Variants in HPSE2 observed in about 807,000 individuals in gnomAD.
HPSE2 encodes heparanase 2 (inactive), also known as inactive heparanase-2.
Under a neutral mutation model 60.5 loss-of-function variants are expected in HPSE2, and 38 were observed. That is an observed-to-expected ratio of 0.63 (90% CI 0.48 to 0.82). HPSE2 has a LOEUF of 0.82. HPSE2 is among the 40% of genes least tolerant of loss of function. HPSE2 has a pLI of 0.00. For missense variants in HPSE2, 713 were observed against 740.4 expected (o/e 0.96, Z 0.43); for synonymous variants, 295 against 293.2 (o/e 1.01, Z -0.06).
intron 2 of HPSE2, among the ~76,000 whole-genome samples, chr10:99,148,978 T>C (rs571274751): frequency 6.6e-5 from 10 of 151,986 alleles, no homozygotes; most frequent in African/African-American, 1.2e-4. Flanking sequence ...AAAGAACTTA[T>C]GCATGTAACC....
At chr10:99,147,466 C>T (rs1253362897) in intron 2 of HPSE2, among the ~76,000 whole-genome samples, 2 of 152,148 alleles carry the variant, frequency 1.3e-5, no homozygotes, top group African/African-American at 4.8e-5. Flanking sequence ...AAGAGTAGAA[C>T]ACCAACTAAA....
chr10:99,048,799 T>A (rs1040534688), intron 3 of HPSE2, among the ~76,000 whole-genome samples: 2 of 152,142 alleles, frequency 1.3e-5, no homozygotes, highest in Admixed American at 1.3e-4. Flanking sequence ...CACTGTGCTA[T>A]TGAGAATAGC....
At chr10:99,156,305 A>T (rs1846556120) in intron 2 of HPSE2, among the ~76,000 whole-genome samples, 1 of 126,580 alleles carries the variant, frequency 7.9e-6, no homozygotes, top group Non-Finnish European at 1.8e-5. Flanking sequence ...CAAAAAAGAG[A>T]ATTTTAGACC....
At chr10:98,470,760 A>G (rs1940745587) in intron 11 of HPSE2, among the ~76,000 whole-genome samples, 1 of 152,212 alleles carries the variant, frequency 6.6e-6, no homozygotes, top group South Asian at 2.1e-4. Flanking sequence ...CAGAATGGAA[A>G]TCCCTGCCTA....
intron 2 of HPSE2, among the ~76,000 whole-genome samples, chr10:99,216,264 G>T (rs1473337221): frequency 3.1e-5 from 4 of 130,270 alleles, no homozygotes; most frequent in Non-Finnish European, 6.2e-5. Flanking sequence ...GCACGATCTT[G>T]GCTCACTGCA....
Position 98,780,969 on chromosome 10 carries a change from G to A in HPSE2, c.611-36913C>T, listed in dbSNP as rs182996450. On this transcript the variant is annotated intron_variant, in intron 3 of 11. Coordinates refer to ENST00000370552, the MANE Select transcript of HPSE2 (RefSeq NM_021828.5). ...AGTGGGATGTATGTAGGAGTGATGT[G>A]CCACTTCCAGGCCAAGAAACTTGCT... Among the ~76,000 whole-genome samples, 3 of 152,076 alleles carry A rather than the reference G, an allele frequency of 2.0e-5. No homozygotes were observed. The East Asian group carries it at 5.8e-4, about 29-fold the overall frequency.
intron 3 of HPSE2, among the ~76,000 whole-genome samples, chr10:99,079,459 G>A (rs1052701642): frequency 6.6e-6 from 1 of 152,092 alleles, no homozygotes; most frequent in African/African-American, 2.4e-5. Context: ...AAGCAAGTTG[G>A]GGTATTGGAC....
chr10:99,126,163 G>A lies in HPSE2; in HGVS notation c.610+18075C>T, dbSNP rs1293250030. Among the ~76,000 whole-genome samples the A allele has an allele frequency of 2.6e-5, 4 of 152,168 alleles. No homozygotes were observed. Among genetic ancestry groups the A allele is most frequent in the African/African-American group, 9.7e-5 (4 of 41,440 alleles). On this transcript the variant is annotated intron_variant, in intron 3 of 11. Transcript: ENST00000370552. The surrounding 1 kb of genome is among the most constrained non-coding windows in gnomAD (Gnocchi z 4.0). ...CAGCCTTACCAACTGTGTGGGAGCT[G>A]AGTGAGGCCTTTTGCTACCAGCTAT...
At position 98,866,407 on chromosome 10, in the gene HPSE2, T is replaced by C. The variant is rs78229242; in HGVS notation, c.611-122351A>G. Among the ~76,000 whole-genome samples the C allele has an allele frequency of 1.0e-2, 1,518 of 152,130 alleles. 8 individuals carry two copies. The highest frequency in any genetic ancestry group is 0.031 in the East Asian group (162 of 5,176). On this transcript the variant is annotated intron_variant, in intron 3 of 11. Transcript: ENST00000370552. ...TCAAGTGGCCTAACATAGAGATAAT[T>C]GGTGTCTTAGAACAGAGAGAAGAAA...
intron 3 of HPSE2, among the ~76,000 whole-genome samples, chr10:98,980,600 G>C (rs1956183551): frequency 6.6e-6 from 1 of 152,194 alleles, no homozygotes. Flanking sequence ...AGCAGTGTAT[G>C]AGTGATTGAA....
chr10:99,016,365 G>A (rs1399456884), intron 3 of HPSE2, among the ~76,000 whole-genome samples: 1 of 152,054 alleles, frequency 6.6e-6, no homozygotes, highest in African/African-American at 2.4e-5. Flanking sequence ...TTATTTCCAA[G>A]TTCTGTATTT....
At chr10:99,032,534 T>A (rs991316389) in intron 3 of HPSE2, among the ~76,000 whole-genome samples, 33 of 152,340 alleles carry the variant, frequency 2.2e-4, no homozygotes, top group Non-Finnish European at 4.1e-4. Flanking sequence ...ATAATTTTTT[T>A]AAAACCTATA....
intron 3 of HPSE2, among the ~76,000 whole-genome samples, chr10:98,845,671 G>A (rs1365150396): frequency 1.3e-5 from 2 of 152,204 alleles, no homozygotes; most frequent in African/African-American, 4.8e-5. Context: ...TTGTAAGTGA[G>A]CCTTATTACT....
At chr10:98,889,904 G>A (rs1210187410) in intron 3 of HPSE2, among the ~76,000 whole-genome samples, 1 of 151,992 alleles carries the variant, frequency 6.6e-6, no homozygotes, top group African/African-American at 2.4e-5. Flanking sequence ...AGCCTGGGTG[G>A]GCAGAACAGA....
At chr10:98,781,759 T>A (rs837735) in intron 3 of HPSE2, among the ~76,000 whole-genome samples, 2 of 147,664 alleles carry the variant, frequency 1.4e-5, no homozygotes, top group African/African-American at 5.0e-5. Context: ...TAACCCAGCA[T>A]CTACCTGAAG....
chr10:98,892,737 C>T (rs369053160), intron 3 of HPSE2, among the ~76,000 whole-genome samples: 12 of 152,328 alleles, frequency 7.9e-5, no homozygotes, highest in African/African-American at 2.6e-4. Context: ...AAGTCTCTCA[C>T]TTCCCCTGAA....
intron 3 of HPSE2, among the ~76,000 whole-genome samples, chr10:99,033,457 C>G (rs967899201): frequency 1.3e-5 from 2 of 151,974 alleles, no homozygotes; most frequent in African/African-American, 4.8e-5. Context: ...AACAATGATA[C>G]AGTACTATAT....
intron 11 of HPSE2, among the ~76,000 whole-genome samples, chr10:98,473,813 A>G (rs1469172039): frequency 1.3e-5 from 2 of 152,210 alleles, no homozygotes; most frequent in East Asian, 3.9e-4. Context: ...GCTCTTTCCT[A>G]CAATCAGAGC....
At chr10:99,125,319 T>C (rs1235462195) in intron 3 of HPSE2, among the ~76,000 whole-genome samples, 3 of 152,228 alleles carry the variant, frequency 2.0e-5, no homozygotes, top group African/African-American at 4.8e-5. Context: ...GTGTCTACGA[T>C]TGGTCCTTCC....
Sources: gnomAD v4.1 joint callset for allele counts (sites outside exome capture counted in the v4.1 genomes callset) on GRCh38, gnomAD v4.1.1 for gene constraint, Gnocchi (gnomAD v3.1) non-coding constraint, MANE v1.5 for transcripts, NCBI Gene and HGNC (gene_info 2026-07-23, HGNC 2026-07-21) for gene names.